Variants in ZNF565 observed in about 807,000 individuals in gnomAD.
ZNF565 encodes the protein zinc finger protein 565.
In ZNF565, 27 loss-of-function variants were observed where a neutral mutation model predicts 39.4. The observed-to-expected ratio is 0.69, with a 90% CI of 0.51 to 0.95. The LOEUF is 0.95. ZNF565 is among the 40% of genes least tolerant of loss of function. The pLI is 0.00. For missense variants in ZNF565, 524 were observed against 621.1 expected (o/e 0.84, Z 1.66); for synonymous variants, 185 against 216.6 (o/e 0.85, Z 1.28).
intron 1 of ZNF565, chr19:36,237,620 G>A: frequency 4.1e-6 from 1 of 243,724 alleles, no homozygotes. Flanking sequence ...TAGATCTGGA[G>A]ATCTTCGCCA....
Position 36,236,464 on chromosome 19 carries a change from A to C in ZNF565, c.55+9012T>G, listed in dbSNP as rs1384573668. The stretch of plus-strand genomic sequence containing the variant: ...AGATGTCACACCTCAGCCAGCAGAG[A>C]ATTTACAGTGGGGAAAACCCCTTTG... On this transcript the variant is annotated intron_variant, in intron 1 of 4. Coordinates refer to the ZNF565 transcript ENST00000355114. 1.2e-5 allele frequency: 19 copies of C among 1,608,496 alleles called. No homozygotes were observed. The East Asian group carries it at 4.0e-4, about 34-fold the overall frequency.
upstream of ZNF565, among the ~76,000 whole-genome samples, chr19:36,219,563 C>G (rs1397839191): frequency 6.6e-6 from 1 of 152,050 alleles, no homozygotes; most frequent in Non-Finnish European, 1.5e-5. Context: ...CAGAGGTGAT[C>G]TTACATACTT....
upstream of ZNF565, among the ~76,000 whole-genome samples, chr19:36,216,639 G>A (rs1197335417): frequency 6.6e-6 from 1 of 151,928 alleles, no homozygotes; most frequent in East Asian, 1.9e-4. Flanking sequence ...GCCTGGACAA[G>A]AGCGAGATTC....
upstream of ZNF565, among the ~76,000 whole-genome samples, chr19:36,215,371 C>T (rs1307774845): frequency 2.0e-5 from 3 of 152,042 alleles, no homozygotes; most frequent in South Asian, 2.1e-4. Context: ...AGTTTGTCCT[C>T]AAAGTTTGAC....
intron 1 of ZNF565, among the ~76,000 whole-genome samples, chr19:36,233,575 G>A (rs913792406): frequency 1.3e-5 from 2 of 152,120 alleles, no homozygotes; most frequent in African/African-American, 4.8e-5. Flanking sequence ...TCGGAGAGGG[G>A]GATGTGGCAG....
At chr19:36,241,025 T>C (rs1176332417) in intron 1 of ZNF565, among the ~76,000 whole-genome samples, 1 of 152,230 alleles carries the variant, frequency 6.6e-6, no homozygotes, top group Non-Finnish European at 1.5e-5. Context: ...AGTCTCTCAG[T>C]TGTGGACTTC....
chr19:36,220,292 C>T (rs900475569), intron 1 of ZNF565, among the ~76,000 whole-genome samples: 3 of 151,696 alleles, frequency 2.0e-5, no homozygotes, highest in Non-Finnish European at 4.4e-5. Context: ...AGTCCATATT[C>T]GTATTTCTAA....
chr19:36,221,927 CTTTTT>C (rs60347994), intron 1 of ZNF565, among the ~76,000 whole-genome samples: 11 of 109,912 alleles, frequency 1.0e-4, no homozygotes, highest in South Asian at 3.1e-4. Flanking sequence ...TTTTTTCTTT[CTTTTT>C]TTTTTTTTTT....
intron 4 of ZNF565, among the ~76,000 whole-genome samples, chr19:36,191,668 A>G (rs1204888688): frequency 6.6e-6 from 1 of 152,168 alleles, no homozygotes; most frequent in African/African-American, 2.4e-5. Context: ...TAAAATAAAT[A>G]CCCACGAACT....
At chr19:36,234,279 A>G (rs557915766) in intron 1 of ZNF565, among the ~76,000 whole-genome samples, 3 of 152,096 alleles carry the variant, frequency 2.0e-5, no homozygotes, top group African/African-American at 7.2e-5. Context: ...TCTTATGTCT[A>G]CTTCTTTCTA....
At position 36,220,317 on chromosome 19, in the gene ZNF565, T is replaced by C. The variant is rs1381824811; in HGVS notation, c.56-18267A>G. Among the ~76,000 whole-genome samples the C allele has an allele frequency of 5.1e-5, 6 of 118,632 alleles. 1 individual carries two copies. Among genetic ancestry groups the C allele is most frequent in the Non-Finnish European group, 1.3e-4 (6 of 47,836 alleles). The allele number at this position is 118,632 out of a possible 152,430, so 77.8% of individuals were successfully genotyped here. A position where few individuals can be genotyped will look rare whatever the true frequency, so the allele number is the denominator to read the frequency against. On this transcript the variant is annotated intron_variant, in intron 1 of 4. Transcript: ENST00000355114. ...CGTATTTCTAATTCACTTTAAATGG[T>C]ATAGTATTTTTACCTAATTTCTTAG...
intron 2 of ZNF565, among the ~76,000 whole-genome samples, chr19:36,196,429 T>G (rs1975763385): frequency 6.6e-6 from 1 of 152,142 alleles, no homozygotes; most frequent in Non-Finnish European, 1.5e-5. Context: ...TAATGAAGCA[T>G]GACAGAATCT....
intron 1 of ZNF565, among the ~76,000 whole-genome samples, chr19:36,224,949 C>T (rs867331538): frequency 1.3e-5 from 2 of 151,070 alleles, no homozygotes; most frequent in Admixed American, 6.6e-5. Flanking sequence ...CTGTTGATTT[C>T]TACATACTAA....
downstream of ZNF565, chr19:36,182,241 A>ATTT (rs68088876): frequency 1.3e-3 from 485 of 381,952 alleles, no homozygotes; most frequent in African/African-American, 8.6e-3. Flanking sequence ...TTCTATATTC[A>ATTT]TTTTTTTTTA....
chr19:36,222,929 C>G (rs1438336904), intron 1 of ZNF565, among the ~76,000 whole-genome samples: 1 of 151,192 alleles, frequency 6.6e-6, no homozygotes, highest in Admixed American at 6.6e-5. Flanking sequence ...AGAATGAGCC[C>G]CCTGTGGTTG....
At chr19:36,217,653 C>T (rs1034173027), upstream of ZNF565, among the ~76,000 whole-genome samples, 3 of 151,898 alleles carry the variant, frequency 2.0e-5, no homozygotes, top group African/African-American at 7.2e-5. Context: ...GGGAGGCCAA[C>T]GCAGGCGGAT....
intron 1 of ZNF565, among the ~76,000 whole-genome samples, chr19:36,227,818 G>A (rs1194600742): frequency 6.6e-6 from 1 of 152,204 alleles, no homozygotes; most frequent in Non-Finnish European, 1.5e-5. Flanking sequence ...GCCTCCCGAA[G>A]TGTTGGGATT....
chr19:36,237,076 C>T (rs756160828), intron 1 of ZNF565: 8 of 1,614,002 alleles, frequency 5.0e-6, no homozygotes, highest in Middle Eastern at 1.6e-4. Flanking sequence ...ATAAACCTTA[C>T]GAATGCAATG....
intron 1 of ZNF565, among the ~76,000 whole-genome samples, chr19:36,229,289 C>G (rs1977217054): frequency 6.6e-6 from 1 of 152,230 alleles, no homozygotes; most frequent in Non-Finnish European, 1.5e-5. Context: ...CATCGTAGAT[C>G]CATGGACTCC....
Sources: gnomAD v4.1 joint callset for allele counts (sites outside exome capture counted in the v4.1 genomes callset) on GRCh38, gnomAD v4.1.1 for gene constraint, MANE v1.5 for transcripts, NCBI Gene and HGNC (gene_info 2026-07-23, HGNC 2026-07-21) for gene names.